Variants in ZER1 observed in about 807,000 individuals in gnomAD.
ZER1 encodes the protein protein zer-1 homolog.
In ZER1, 11 loss-of-function variants were observed where a neutral mutation model predicts 78.8. The ratio of observed to expected loss-of-function variants is 0.14; its 90% CI spans 0.09 to 0.23. ZER1 has a LOEUF of 0.23. Ranked by LOEUF, ZER1 falls within the 10% of genes least tolerant of loss-of-function variation. ZER1 has a pLI of 1.00. For missense variants in ZER1, 588 were observed against 996.9 expected (o/e 0.59, Z 5.52); for synonymous variants, 400 against 407.0 (o/e 0.98, Z 0.21).
intron 8 of ZER1, chr9:128,746,215 C>G (rs949425021): frequency 6.6e-6 from 1 of 152,146 alleles, no homozygotes; most frequent in African/African-American, 2.4e-5. Flanking sequence ...ATGGCTAGGT[C>G]AAAAGATAGA....
At chr9:128,734,144 A>AAAAAAATATATATATATAT in intron 14 of ZER1, among the ~76,000 whole-genome samples, 1 of 14,452 alleles carries the variant, frequency 6.9e-5, no homozygotes, top group African/African-American at 1.9e-4. Context: ...AAAAAAAAAA[A>AAAAAAATATATATATATAT]ATATATATAT....
chr9:128,733,809 T>C (rs1260671530), intron 14 of ZER1, among the ~76,000 whole-genome samples: 2 of 145,774 alleles, frequency 1.4e-5, no homozygotes, highest in Admixed American at 1.4e-4. Flanking sequence ...TATATATATA[T>C]ATATATAAAA....
At position 128,755,912 on chromosome 9, in the gene ZER1, A is replaced by ACCCAGTGCTTGGGT. The variant is rs996666934; in HGVS notation, c.-94-267_-94-254dup. ...CTGTGAGCAGACGTGTGTGCTGGGG[A>ACCCAGTGCTTGGGT]CCCAGTGCTTGGGTGGGGATAATAC... On this transcript the variant is annotated intron_variant, in intron 1 of 15. Transcript: ENST00000291900. The surrounding 1 kb of genome is among the most constrained non-coding windows in gnomAD (Gnocchi z 5.6). Among the ~76,000 whole-genome samples the ACCCAGTGCTTGGGT allele has an allele frequency of 3.3e-5, 5 of 152,076 alleles. No homozygotes were observed. The East Asian group carries it at 7.7e-4, about 23-fold the overall frequency.
At chr9:128,744,564 T>G (rs962782970) in intron 8 of ZER1, among the ~76,000 whole-genome samples, 2 of 151,386 alleles carry the variant, frequency 1.3e-5, no homozygotes, top group African/African-American at 4.9e-5. Context: ...CTGCAACCTC[T>G]GCCTCCCAGG....
chr9:128,738,743 A>G (rs1432151993), intron 13 of ZER1, among the ~76,000 whole-genome samples: 1 of 150,770 alleles, frequency 6.6e-6, no homozygotes, highest in East Asian at 2.0e-4. Context: ...GTGCAGTAGC[A>G]TGATGTTGGC....
chr9:128,753,466 G>C lies in ZER1; in HGVS notation c.444C>G (p.Asn148Lys), dbSNP rs761619684. 3 of 1,614,034 alleles carry C rather than the reference G, an allele frequency of 1.9e-6. No individual in the cohort carries two copies. In the African/African-American group the frequency reaches 4.0e-5, roughly 22 times the overall value. The change falls in exon 4 of 16, where the codon AAC (asparagine) becomes AAG (lysine). Residue 148 changes from asparagine to lysine, a missense_variant. Coordinates refer to ENST00000291900, the MANE Select transcript of ZER1 (RefSeq NM_006336.4). The surrounding 1 kb of genome is among the most constrained non-coding windows in gnomAD (Gnocchi z 7.5). ...GCTNIFYEEE[N>K]PGGCEDEYLV... ...GGTACTCATCTTCACAGCCCCCTGG[G>C]TTCTCCTCCTCATAGAAAATGTTTG...
In ZER1 at chr9:128,737,688, C is replaced by T. The variant is rs117870893; in HGVS notation, c.2042+2243G>A. ...CTCTTTCAGGGAGTGAGATTATGAA[C>T]GATTCTTGTTTTCTTCTTCTTCTTT... On this transcript the variant is annotated intron_variant, in intron 13 of 15. Coordinates refer to ENST00000291900, the MANE Select transcript of ZER1 (RefSeq NM_006336.4). Among the ~76,000 whole-genome samples, 916 of 152,172 alleles carry T rather than the reference C, an allele frequency of 6.0e-3. 5 individuals carry two copies. Among genetic ancestry groups the T allele is most frequent in the Middle Eastern group, 0.01 (3 of 294 alleles).
At chr9:128,764,161 G>A (rs1025674906) in intron 1 of ZER1, among the ~76,000 whole-genome samples, 2 of 152,138 alleles carry the variant, frequency 1.3e-5, no homozygotes, top group African/African-American at 4.8e-5. Flanking sequence ...ATGACTATTT[G>A]CTAAATGAAC....
chr9:128,767,020 G>A (rs1864234721), intron 1 of ZER1, among the ~76,000 whole-genome samples: 1 of 150,196 alleles, frequency 6.7e-6, no homozygotes, highest in Non-Finnish European at 1.5e-5. Context: ...TCGGCTCACT[G>A]CAGCCTCTGC....
Position 128,753,324 on chromosome 9 carries a change from G to T in ZER1, c.586C>A (p.Arg196=). The T allele has an allele frequency of 6.2e-7, 1 of 1,613,208 alleles. No homozygotes were observed. The change falls in exon 4 of 16, where the codon CGG becomes AGG. Residue 196 remains arginine, a synonymous_variant. Coordinates refer to ENST00000291900, the MANE Select transcript of ZER1 (RefSeq NM_006336.4). This position sits in a 1 kb window ranked among gnomAD's most constrained non-coding sequence, Gnocchi z 7.5. The stretch of plus-strand genomic sequence containing the variant: ...AAGGCAGCCAGGGAGTTAAGCGGCC[G>T]CAGCAGGGACTCCACAGGGACCCAA... ...IDWVPVESLL[R]PLNSLAALDL...
At chr9:128,760,811 TA>T (rs202094907) in intron 1 of ZER1, among the ~76,000 whole-genome samples, 164 of 139,078 alleles carry the variant, frequency 1.2e-3, no homozygotes, top group Non-Finnish European at 1.0e-3. Flanking sequence ...AGACTCCGTT[TA>T]AAAAAAAAAA....
Position 128,751,564 on chromosome 9 carries a change from C to A in ZER1, c.924-37G>T. The A allele has an allele frequency of 6.3e-7, 1 of 1,589,992 alleles. No homozygotes were observed. The highest frequency in any genetic ancestry group is 8.6e-7 in the Non-Finnish European group (1 of 1,165,488). ...GGGTGCCGGTGTCAGTGGCTTGGGA[C>A]CCAGGCCTGAGCTGGGCCTCCCCAC... On this transcript the variant is annotated intron_variant, in intron 5 of 15. Transcript: ENST00000291900. The surrounding 1 kb of genome is among the most constrained non-coding windows in gnomAD (Gnocchi z 5.4).
chr9:128,742,526 G>C lies in ZER1; in HGVS notation c.1575+4C>G. 1 of 1,613,652 alleles carries C rather than the reference G, an allele frequency of 6.2e-7. No individual in the cohort carries two copies. The highest frequency in any genetic ancestry group is 8.5e-7 in the Non-Finnish European group (1 of 1,180,018). ...AGGAAGGGGGCAGCGCCCCCCACAC[G>C]TACCACGACAAAGCCCATCTTGCCC... On this transcript the variant is annotated splice_donor_region_variant and intron_variant, in intron 9 of 15. Coordinates refer to ENST00000291900, the MANE Select transcript of ZER1 (RefSeq NM_006336.4).
intron 8 of ZER1, among the ~76,000 whole-genome samples, chr9:128,747,676 C>A (rs554231896): frequency 1.3e-5 from 2 of 152,160 alleles, no homozygotes; most frequent in African/African-American, 4.8e-5. Flanking sequence ...TGCAGTGGCA[C>A]GATCTCAGCT....
rs1294425131 is a variant in ZER1, at chr9:128,755,865, C to G, written c.-94-206G>C. Among the ~76,000 whole-genome samples the G allele has an allele frequency of 1.3e-5, 2 of 152,214 alleles. No homozygotes were observed. The highest frequency in any genetic ancestry group is 2.9e-5 in the Non-Finnish European group (2 of 68,046). On this transcript the variant is annotated intron_variant, in intron 1 of 15. Coordinates refer to ENST00000291900, the MANE Select transcript of ZER1 (RefSeq NM_006336.4). This position sits in a 1 kb window ranked among gnomAD's most constrained non-coding sequence, Gnocchi z 5.6. ...AATTTGACCTGCAAAGAACATGGAG[C>G]CTTGTCCAAGCACTTATTTGCCTGT...
chr9:128,743,720 CCTG>C (rs1863384623), intron 8 of ZER1, among the ~76,000 whole-genome samples: 1 of 151,330 alleles, frequency 6.6e-6, no homozygotes, highest in Non-Finnish European at 1.5e-5. Flanking sequence ...GCACCTGGCC[CCTG>C]CTTTCTTTAA....
Position 128,753,999 on chromosome 9 carries a change from G to A in ZER1, c.159-40C>T. The A allele has an allele frequency of 6.4e-7, 1 of 1,558,434 alleles. No homozygotes were observed. The highest frequency in any genetic ancestry group is 1.2e-5 in the South Asian group (1 of 84,528). On this transcript the variant is annotated intron_variant, in intron 2 of 15. Coordinates refer to ENST00000291900, the MANE Select transcript of ZER1 (RefSeq NM_006336.4). The surrounding 1 kb of genome is among the most constrained non-coding windows in gnomAD (Gnocchi z 7.5). ...AGCCTGGCTCAGGAGAGGGCCACAG[G>A]GACTCTCATCCTCGCTTCAAAGCCA... is the stretch of plus-strand genomic sequence containing the variant.
chr9:128,752,994 A>G (rs1448584725), intron 4 of ZER1, 145 bp from the exon 5 acceptor site: 1 of 1,271,428 alleles, frequency 7.9e-7, no homozygotes, highest in Non-Finnish European at 1.1e-6. Context: ...AACCCCAAAC[A>G]GCCCCAATCC....
At position 128,739,745 on chromosome 9, in the gene ZER1, G is replaced by A. The variant is rs543092996; in HGVS notation, c.2042+186C>T. Among the ~76,000 whole-genome samples, 7 of 152,158 alleles carry A rather than the reference G, an allele frequency of 4.6e-5. No individual in the cohort carries two copies. The South Asian group carries it at 6.2e-4, about 14-fold the overall frequency. ...GTATGACAAATGCTCCAGGCTGCAC[G>A]GATGAGATCGTGCCCTTATGTATGC... On this transcript the variant is annotated intron_variant, in intron 13 of 15. Transcript: ENST00000291900.
Sources: gnomAD v4.1 joint callset for allele counts (sites outside exome capture counted in the v4.1 genomes callset) on GRCh38, gnomAD v4.1.1 for gene constraint, Gnocchi (gnomAD v3.1) non-coding constraint, MANE v1.5 for transcripts, NCBI Gene and HGNC (gene_info 2026-07-23, HGNC 2026-07-21) for gene names.